Variants in RAD51B observed in about 807,000 individuals in gnomAD.
RAD51B encodes the protein RAD51 paralog B, also known as DNA repair protein RAD51 homolog 2.
In RAD51B, 38 loss-of-function variants were observed where a neutral mutation model predicts 42.2. The observed-to-expected ratio is 0.90, with a 90% CI of 0.70 to 1.18. The LOEUF (loss-of-function observed/expected upper bound fraction) is 1.18. RAD51B is among the 50% of genes most tolerant of loss of function. The pLI, the probability that RAD51B is intolerant of heterozygous loss-of-function variation, is 0.00. For missense variants in RAD51B, 373 were observed against 400.7 expected (o/e 0.93, Z 0.59); for synonymous variants, 154 against 145.2 (o/e 1.06, Z -0.43).
intron 5 of RAD51B, among the ~76,000 whole-genome samples, chr14:67,882,097 C>T (rs1041064408): frequency 1.3e-5 from 2 of 152,172 alleles, no homozygotes; most frequent in African/African-American, 4.8e-5. Context: ...CTCAGCCTCT[C>T]GAGTAGCTGG....
At chr14:67,862,939 T>C (rs907535000) in intron 4 of RAD51B, among the ~76,000 whole-genome samples, 4 of 152,056 alleles carry the variant, frequency 2.6e-5, no homozygotes, top group African/African-American at 9.7e-5. Context: ...TCATAATAAA[T>C]ATGCATATAT....
chr14:68,374,350 T>C (rs2083322212), intron 8 of RAD51B, among the ~76,000 whole-genome samples: 1 of 152,216 alleles, frequency 6.6e-6, no homozygotes, highest in Non-Finnish European at 1.5e-5. Context: ...CCTGGTATCT[T>C]CCAGTGGATG....
chr14:68,010,683 G>A (rs2075669702), intron 7 of RAD51B, among the ~76,000 whole-genome samples: 1 of 151,868 alleles, frequency 6.6e-6, no homozygotes, highest in South Asian at 2.1e-4. Flanking sequence ...CAACTGAGCT[G>A]TTTCTTCTGA....
chr14:68,657,527 TG>T (rs1374292189), intron 11 of RAD51B, among the ~76,000 whole-genome samples: 2 of 152,314 alleles, frequency 1.3e-5, no homozygotes, highest in South Asian at 4.1e-4. Flanking sequence ...GTGAGCCTGG[TG>T]GGGGGCCAAG....
At chr14:67,969,264 T>TG in intron 7 of RAD51B, among the ~76,000 whole-genome samples, 1 of 152,314 alleles carries the variant, frequency 6.6e-6, no homozygotes, top group East Asian at 1.9e-4. Context: ...CAAAAAATGT[T>TG]GCAATTGTTG....
chr14:68,403,025 A>G (rs115371333), intron 8 of RAD51B, among the ~76,000 whole-genome samples: 2,597 of 152,314 alleles, frequency 0.017, 76 homozygotes, highest in African/African-American at 0.06. Flanking sequence ...ACAGGCTATC[A>G]TGCATTACAT....
At chr14:68,583,391 G>T (rs1445383503) in intron 10 of RAD51B, among the ~76,000 whole-genome samples, 1 of 152,118 alleles carries the variant, frequency 6.6e-6, no homozygotes, top group East Asian at 1.9e-4. Flanking sequence ...TACTTTTGGG[G>T]GTCCAGGTAA....
chr14:68,120,345 T>A (rs938274232), intron 7 of RAD51B, among the ~76,000 whole-genome samples: 2 of 152,254 alleles, frequency 1.3e-5, no homozygotes, highest in Admixed American at 6.5e-5. Flanking sequence ...TTGTCAATTT[T>A]GGCTTTTGTT....
chr14:67,903,616 G>A (rs957459493), intron 7 of RAD51B, among the ~76,000 whole-genome samples: 1 of 152,070 alleles, frequency 6.6e-6, no homozygotes, highest in Non-Finnish European at 1.5e-5. Context: ...AACCCTAATC[G>A]TGTTTTGGTA....
chr14:68,108,796 G>C (rs74668118), intron 7 of RAD51B, among the ~76,000 whole-genome samples: 1 of 151,826 alleles, frequency 6.6e-6, no homozygotes, highest in African/African-American at 2.4e-5. Flanking sequence ...AAATTGTTAC[G>C]TATATATTTT....
chr14:67,884,768 T>C (rs1259835166), intron 5 of RAD51B, among the ~76,000 whole-genome samples: 2 of 152,228 alleles, frequency 1.3e-5, no homozygotes, highest in African/African-American at 4.8e-5. Context: ...CTCTTCCTGT[T>C]CAACTTAGCT....
intron 5 of RAD51B, among the ~76,000 whole-genome samples, chr14:67,870,777 G>A (rs2042500076): frequency 8.5e-6 from 1 of 117,200 alleles, no homozygotes; most frequent in Admixed American, 8.4e-5. Context: ...TCAGGATTAA[G>A]AATCTCACTC....
intron 10 of RAD51B, among the ~76,000 whole-genome samples, chr14:68,568,744 G>A (rs1889546075): frequency 6.6e-6 from 1 of 152,194 alleles, no homozygotes; most frequent in Non-Finnish European, 1.5e-5. Flanking sequence ...TTCAAAGCTT[G>A]CACTGTTTTT....
chr14:68,107,311 A>T (rs2077391251), intron 7 of RAD51B, among the ~76,000 whole-genome samples: 1 of 151,856 alleles, frequency 6.6e-6, no homozygotes, highest in African/African-American at 2.4e-5. Context: ...AGATTTGCAC[A>T]CTGAAAATTA....
At chr14:67,959,215 G>A (rs1465183989) in intron 7 of RAD51B, among the ~76,000 whole-genome samples, 1 of 151,302 alleles carries the variant, frequency 6.6e-6, no homozygotes, top group Admixed American at 6.6e-5. Context: ...TTTTTAGAAT[G>A]TTTGTGTTTG....
chr14:68,551,660 C>T (rs532098748), intron 10 of RAD51B, among the ~76,000 whole-genome samples: 9 of 152,230 alleles, frequency 5.9e-5, no homozygotes, highest in Non-Finnish European at 1.0e-4. Context: ...CACTTATTTA[C>T]ACCTCAGCAC....
intron 10 of RAD51B, among the ~76,000 whole-genome samples, chr14:68,476,863 G>A (rs988773309): frequency 6.6e-6 from 1 of 152,210 alleles, no homozygotes. Flanking sequence ...CTAAGGGCTT[G>A]CATTGCAGAC....
intron 10 of RAD51B, among the ~76,000 whole-genome samples, chr14:68,634,812 A>C (rs1892309140): frequency 6.6e-6 from 1 of 152,142 alleles, no homozygotes; most frequent in South Asian, 2.1e-4. Flanking sequence ...CATTTACACC[A>C]GCTTGGGGGG....
At chr14:68,267,932 A>T (rs2081025998) in intron 7 of RAD51B, among the ~76,000 whole-genome samples, 2 of 148,918 alleles carry the variant, frequency 1.3e-5, no homozygotes, top group Non-Finnish European at 2.9e-5. Flanking sequence ...ATAAAACCAA[A>T]CTTTTCAGAT....
Sources: allele counts gnomAD v4.1 joint callset (sites outside exome capture counted in the v4.1 genomes callset), GRCh38; gene constraint gnomAD v4.1.1; transcripts MANE v1.5; gene names NCBI Gene and HGNC (gene_info 2026-07-23, HGNC 2026-07-21).